ANKRD17: variants seen among roughly 807,000 people sequenced by gnomAD.
The protein encoded by ANKRD17 is ankyrin repeat domain 17.
A neutral mutation model predicts 229.7 loss-of-function variants in ANKRD17; 19 were observed. The ratio of observed to expected loss-of-function variants is 0.08; its 90% CI spans 0.06 to 0.12. ANKRD17 has a LOEUF of 0.12. Ranked by LOEUF, ANKRD17 falls within the 10% of genes least tolerant of loss-of-function variation. The pLI, the probability that ANKRD17 is intolerant of heterozygous loss-of-function variation, is 1.00. For missense variants in ANKRD17, 2,176 were observed against 3,176.8 expected, an observed-to-expected ratio of 0.68 and a Z score of 7.57; for synonymous variants, 1,112 against 1,146.1, an observed-to-expected ratio of 0.97 and a Z score of 0.60.
At chr4:73,177,099 G>T (rs554228674) in intron 2 of ANKRD17, among the ~76,000 whole-genome samples, 1 of 152,206 alleles carries the variant, frequency 6.6e-6, no homozygotes, top group South Asian at 2.1e-4. Flanking sequence ...ATTTTTGCAG[G>T]TAGGCAAATT....
chr4:73,127,470 A>G (rs972174876), intron 16 of ANKRD17, among the ~76,000 whole-genome samples: 1 of 152,096 alleles, frequency 6.6e-6, no homozygotes, highest in Non-Finnish European at 1.5e-5. Flanking sequence ...ATCTCATCAT[A>G]TTTTTCAACT....
chr4:73,159,259 A>T (rs1560620411), intron 3 of ANKRD17, among the ~76,000 whole-genome samples: 2 of 152,228 alleles, frequency 1.3e-5, no homozygotes, highest in Non-Finnish European at 1.5e-5. Context: ...TTCCCATAAG[A>T]CATTTCCTGT....
chr4:73,242,484 T>C (rs1372511684), intron 1 of ANKRD17, among the ~76,000 whole-genome samples: 1 of 152,208 alleles, frequency 6.6e-6, no homozygotes, highest in African/African-American at 2.4e-5. Context: ...TACATAAGTA[T>C]GCCATGTTTC....
At position 73,258,576 on chromosome 4, in the gene ANKRD17, C is replaced by G. The variant is rs1275262379; in HGVS notation, c.93G>C (p.Ala31=). Residue 31 remains alanine (A), a synonymous_variant, in exon 1 of 34, where the codon GCG becomes GCC. Transcript: ENST00000358602. The part of the protein sequence containing the change: ...PAVAAVAGPP[A]AAEVGGGVGG... ...CAACGCCGCCGCCGACCTCCGCCGC[C>G]GCGGGGGGGCCCGCCACAGCCGCCA... 6.2e-6 allele frequency: 9 copies of G among 1,461,394 alleles called. No homozygotes were observed. The highest frequency in any genetic ancestry group is 8.0e-6 in the Non-Finnish European group (9 of 1,118,068). The allele number at this position is 1,461,394 out of a possible 1,614,324, so 90.5% of individuals were successfully genotyped here.
chr4:73,193,114 A>G (rs144479338), intron 1 of ANKRD17, among the ~76,000 whole-genome samples: 2 of 152,318 alleles, frequency 1.3e-5, no homozygotes, highest in East Asian at 3.9e-4. Flanking sequence ...TGCCTCTAAC[A>G]ATCATGACTT....
intron 1 of ANKRD17, among the ~76,000 whole-genome samples, chr4:73,192,353 A>C (rs1228309853): frequency 6.6e-6 from 1 of 152,106 alleles, no homozygotes; most frequent in Non-Finnish European, 1.5e-5. Flanking sequence ...AAGCAAAAAA[A>C]ACAAAAACAA....
chr4:73,153,055 A>G (rs903645243), intron 6 of ANKRD17, among the ~76,000 whole-genome samples: 1 of 152,226 alleles, frequency 6.6e-6, no homozygotes, highest in African/African-American at 2.4e-5. Context: ...CACCAGGGCC[A>G]GAACTAGGGT....
chr4:73,143,093 AGTTTTATTT>A (rs1397371760), intron 11 of ANKRD17, among the ~76,000 whole-genome samples: 2 of 152,358 alleles, frequency 1.3e-5, no homozygotes, highest in East Asian at 3.9e-4. Flanking sequence ...TAAAATATGA[AGTTTTATTT>A]GTATTTTAAG....
At chr4:73,164,219 T>C (rs996480953) in intron 2 of ANKRD17, among the ~76,000 whole-genome samples, 12 of 152,176 alleles carry the variant, frequency 7.9e-5, no homozygotes, top group African/African-American at 2.4e-4. Context: ...ATAACAAATA[T>C]TTGTCAGTGA....
intron 1 of ANKRD17, among the ~76,000 whole-genome samples, chr4:73,179,733 G>C (rs560334483): frequency 6.6e-6 from 1 of 151,078 alleles, no homozygotes; most frequent in East Asian, 2.0e-4. Context: ...CCCAAAGGAC[G>C]GGATTATAGG....
chr4:73,229,844 AT>A (rs916219758), intron 1 of ANKRD17, among the ~76,000 whole-genome samples: 9 of 152,134 alleles, frequency 5.9e-5, no homozygotes, highest in Non-Finnish European at 8.8e-5. Flanking sequence ...TTTGGGAAAT[AT>A]TTGGGTATAT....
chr4:73,146,337 A>C (rs1578186326), intron 10 of ANKRD17, among the ~76,000 whole-genome samples: 1 of 152,152 alleles, frequency 6.6e-6, no homozygotes, highest in East Asian at 1.9e-4. Context: ...ACTTGAGGGA[A>C]AAGTTTATTA....
At chr4:73,197,474 T>A (rs1247870541) in intron 1 of ANKRD17, among the ~76,000 whole-genome samples, 1 of 152,160 alleles carries the variant, frequency 6.6e-6, no homozygotes, top group African/African-American at 2.4e-5. Context: ...ATACAAATAC[T>A]AGCACACTTA....
chr4:73,127,203 T>C (rs535798733), intron 16 of ANKRD17, among the ~76,000 whole-genome samples: 168 of 152,270 alleles, frequency 1.1e-3, no homozygotes, highest in African/African-American at 3.9e-3. Context: ...GAGGGACTTC[T>C]GGTGCTAAAA....
rs775320916 is a variant in ANKRD17, at chr4:73,258,338, TGCC to T, written c.328_330del (p.Gly110del). 6.2e-7 allele frequency: 1 copy of T among 1,613,164 alleles called. No homozygotes were observed. Reference sequence around the variant, plus strand: ...TCTTCCTCGCTGTTGTTACTGCTGGTGCCGCCGCCGCCACCTCCGCCTCCACCG... The same window carrying T: ...TCTTCCTCGCTGTTGTTACTGCTGGTGCCGCCGCCACCTCCGCCTCCACCG... On this transcript the variant is annotated inframe_deletion, in exon 1 of 34. Transcript: ENST00000358602.
intron 1 of ANKRD17, among the ~76,000 whole-genome samples, chr4:73,181,631 GA>G (rs1735558035): frequency 6.6e-6 from 1 of 151,988 alleles, no homozygotes; most frequent in Non-Finnish European, 1.5e-5. Context: ...AAACTAAAAT[GA>G]ATTTTCCCTC....
chr4:73,123,323 A>T (rs776120256), intron 18 of ANKRD17, among the ~76,000 whole-genome samples: 31 of 152,206 alleles, frequency 2.0e-4, no homozygotes, highest in Middle Eastern at 3.4e-3. Flanking sequence ...TTTCTGGAAT[A>T]GTAGAAATAA....
intron 20 of ANKRD17, 110 bp from the exon 21 acceptor site, chr4:73,120,447 T>G (rs1380362540): frequency 2.0e-6 from 2 of 999,592 alleles, no homozygotes; most frequent in African/African-American, 3.3e-5. Flanking sequence ...TTACCAAGAT[T>G]CACAACTAAA....
chr4:73,158,933 T>C (rs913336731), intron 3 of ANKRD17, among the ~76,000 whole-genome samples: 5 of 152,210 alleles, frequency 3.3e-5, no homozygotes, highest in African/African-American at 7.2e-5. Context: ...GCCTCCATAA[T>C]TGTAAGAAAT....
Sources: gnomAD v4.1 joint callset for allele counts (sites outside exome capture counted in the v4.1 genomes callset) on GRCh38, gnomAD v4.1.1 for gene constraint, MANE v1.5 for transcripts, NCBI Gene and HGNC (gene_info 2026-07-23, HGNC 2026-07-21) for gene names.